Variants in REPS2 observed in about 807,000 individuals in gnomAD.
REPS2 encodes RALBP1 associated Eps domain containing 2, also known as ralBP1-associated Eps domain-containing protein 2.
REPS2 carries 23 observed loss-of-function variants against 53.6 expected under a neutral mutation model. That is an observed-to-expected ratio of 0.43 (90% CI 0.31 to 0.61). The LOEUF is 0.61. REPS2 is among the 20% of genes least tolerant of loss of function. The pLI is 0.11. For synonymous variants in REPS2, 238 were observed against 218.6 expected, an observed-to-expected ratio of 1.09 and a Z score of -0.78; for missense variants, 446 against 534.9, an observed-to-expected ratio of 0.83 and a Z score of 1.64.
At chrX:16,962,726 A>G in intron 1 of REPS2, among the ~76,000 whole-genome samples, 1 of 112,355 alleles carries the variant, frequency 8.9e-6, no homozygotes, top group East Asian at 2.8e-4. Flanking sequence ...GCTTACTGGT[A>G]GTAATCATTT....
At chrX:17,007,037 C>G (rs1327316416) in intron 2 of REPS2, among the ~76,000 whole-genome samples, 1 of 112,246 alleles carries the variant, frequency 8.9e-6, no homozygotes, top group African/African-American at 3.2e-5. Context: ...CCAAGGTCCT[C>G]TGATAATTCA....
intron 1 of REPS2, among the ~76,000 whole-genome samples, chrX:16,951,471 T>C (rs1175489912): frequency 9.7e-6 from 1 of 103,203 alleles, no homozygotes; most frequent in Non-Finnish European, 2.0e-5. Context: ...AGTTCTAGAC[T>C]AGCCTGGGCA....
At chrX:17,107,873 A>T (rs2062895332) in intron 14 of REPS2, among the ~76,000 whole-genome samples, 1 of 111,768 alleles carries the variant, frequency 8.9e-6, no homozygotes, top group African/African-American at 3.3e-5. Flanking sequence ...CCAAAAAGCA[A>T]TTAAAGTAAA....
chrX:17,062,232 C>G (rs757168894), intron 8 of REPS2, among the ~76,000 whole-genome samples: 2 of 112,099 alleles, frequency 1.8e-5, no homozygotes, highest in Non-Finnish European at 3.8e-5. Context: ...TCAGTTTCAT[C>G]ACATGTGAAA....
At chrX:17,117,314 T>C (rs924038351) in intron 14 of REPS2, among the ~76,000 whole-genome samples, 3 of 111,733 alleles carry the variant, frequency 2.7e-5, no homozygotes, top group Non-Finnish European at 3.8e-5. Flanking sequence ...AGGGTACATG[T>C]GCACAACGTG....
intron 14 of REPS2, among the ~76,000 whole-genome samples, chrX:17,129,502 G>T (rs776489219): frequency 4.5e-5 from 5 of 111,787 alleles, no homozygotes; most frequent in Non-Finnish European, 7.5e-5. Context: ...ATGCTTGATA[G>T]ATGGATCAAT....
intron 1 of REPS2, among the ~76,000 whole-genome samples, chrX:16,984,927 A>G (rs1226433214): frequency 9.0e-6 from 1 of 111,184 alleles, no homozygotes; most frequent in African/African-American, 3.3e-5. Flanking sequence ...CAGCCAGAGT[A>G]TAAGGTGAAT....
the REPS2 span, among the ~76,000 whole-genome samples, chrX:17,189,120 C>A: frequency 9.1e-6 from 1 of 110,280 alleles, no homozygotes; most frequent in Non-Finnish European, 1.9e-5. Flanking sequence ...AGTCTAAATT[C>A]CATCTTTCAA....
chrX:16,999,776 G>T (rs1202584412), intron 1 of REPS2, among the ~76,000 whole-genome samples: 2 of 109,880 alleles, frequency 1.8e-5, no homozygotes, highest in Admixed American at 9.7e-5. Context: ...GCCGGGCACG[G>T]TGGCTCACGC....
chrX:17,144,512 T>C (rs1374379875), intron 17 of REPS2, among the ~76,000 whole-genome samples: 1 of 112,679 alleles, frequency 8.9e-6, no homozygotes, highest in African/African-American at 3.2e-5. Context: ...CATGTTAGCC[T>C]GGGACTCAGC....
the REPS2 span, among the ~76,000 whole-genome samples, chrX:17,182,010 C>T: frequency 8.9e-6 from 1 of 111,794 alleles, no homozygotes; most frequent in African/African-American, 3.3e-5. Context: ...GTTGTTTCCC[C>T]CTGAATATCG....
Position 17,083,077 on chromosome X carries a change from CT to C in REPS2, c.1516+5693del, listed in dbSNP as rs746229224. Among the ~76,000 whole-genome samples the C allele has an allele frequency of 8.5e-3, 684 of 80,548 alleles. 3 individuals carry two copies. The highest frequency in any genetic ancestry group is 0.027 in the African/African-American group (516 of 18,923). 69.9% of individuals were successfully genotyped at this position (80,548 alleles called of 115,157 possible). On this transcript the variant is annotated intron_variant, in intron 13 of 17. Transcript: ENST00000357277. ...TGAAATGACAGAAATGTTCCGAGCA[CT>C]TTTTTTTTTTTTTTTTTTTTTTGAG... is the stretch of plus-strand genomic sequence containing the variant.
chrX:17,090,112 A>G (rs1375566790), intron 13 of REPS2, among the ~76,000 whole-genome samples: 2 of 112,058 alleles, frequency 1.8e-5, no homozygotes, highest in East Asian at 5.6e-4. Flanking sequence ...TTTGATTTGT[A>G]TTCCCCTGAT....
intron 13 of REPS2, among the ~76,000 whole-genome samples, chrX:17,101,966 C>T (rs756464656): frequency 2.0e-3 from 225 of 111,895 alleles, no homozygotes; most frequent in African/African-American, 6.9e-3. Context: ...GTTGTTTTAA[C>T]ACACGTTAAT....
At chrX:16,974,425 T>G (rs1456726975) in intron 1 of REPS2, among the ~76,000 whole-genome samples, 1 of 110,976 alleles carries the variant, frequency 9.0e-6, no homozygotes, top group African/African-American at 3.3e-5. Context: ...GCAGGTGGAT[T>G]GTCTGAGTTC....
At chrX:17,039,590 A>G (rs898374402) in intron 5 of REPS2, among the ~76,000 whole-genome samples, 4 of 112,430 alleles carry the variant, frequency 3.6e-5, no homozygotes, top group African/African-American at 1.3e-4. Flanking sequence ...GCAAAATTGC[A>G]GCAATGATTT....
the REPS2 span, among the ~76,000 whole-genome samples, chrX:17,194,698 C>T: frequency 9.0e-6 from 1 of 111,407 alleles, no homozygotes; most frequent in African/African-American, 3.3e-5. Context: ...CACACGTGCT[C>T]AAATTGATAG....
chrX:17,022,193 G>A lies in REPS2; in HGVS notation c.468G>A (p.Leu156=), dbSNP rs1468588602. The change falls in exon 3 of 18, where the codon CTG becomes CTA. Residue 156 remains leucine (L), a synonymous_variant. Coordinates refer to ENST00000357277, the MANE Select transcript of REPS2 (RefSeq NM_004726.3). ...GEIRFGNPAE[L]HGTKVQIPYL... Reference sequence around the variant, plus strand: ...TACGATTTGGGAACCCAGCTGAGCTGCATGGAACTAAGGTTCAGATTCCAT... The same window carrying A: ...TACGATTTGGGAACCCAGCTGAGCTACATGGAACTAAGGTTCAGATTCCAT... The A allele has an allele frequency of 8.3e-7, 1 of 1,206,865 alleles. No individual in the cohort carries two copies. Among genetic ancestry groups the A allele is most frequent in the East Asian group, 3.0e-5 (1 of 33,829 alleles).
At chrX:17,169,666 A>T in the REPS2 span, among the ~76,000 whole-genome samples, 1 of 112,082 alleles carries the variant, frequency 8.9e-6, no homozygotes, top group East Asian at 2.8e-4. Context: ...TGGGTGATAG[A>T]GTGAGACTCT....
Sources: allele counts gnomAD v4.1 joint callset (sites outside exome capture counted in the v4.1 genomes callset), GRCh38; gene constraint gnomAD v4.1.1; transcripts MANE v1.5; gene names NCBI Gene and HGNC (gene_info 2026-07-23, HGNC 2026-07-21).